CDC14B: variants seen among roughly 807,000 people sequenced by gnomAD.
CDC14B encodes dual specificity protein phosphatase CDC14B.
Under a neutral mutation model 64.2 loss-of-function variants are expected in CDC14B, and 22 were observed. That is an observed-to-expected ratio of 0.34 (90% CI 0.24 to 0.49). The LOEUF (loss-of-function observed/expected upper bound fraction) is 0.49, where lower values mean the gene tolerates loss of function less well. CDC14B is among the 20% of genes least tolerant of loss of function. The pLI is 0.99. For missense variants in CDC14B, 498 were observed against 629.9 expected (o/e 0.79, Z 2.24); for synonymous variants, 191 against 215.8 (o/e 0.89, Z 1.01).
chr9:96,547,895 A>G (rs141919093), intron 5 of CDC14B, among the ~76,000 whole-genome samples: 7,898 of 151,944 alleles, frequency 0.052, 693 homozygotes, highest in African/African-American at 0.18. Flanking sequence ...GCACCATCTC[A>G]GCTCAATGCA....
At position 96,500,134 on chromosome 9, in the gene CDC14B, CAT is replaced by C. The variant is rs1438557655; in HGVS notation, c.*3617_*3618del. On this transcript the variant is annotated 3_prime_UTR_variant, in exon 14 of 14. Transcript: ENST00000375241. ...GCTGTTGGGTTAATACTTTTAATTA[CAT>C]GATTGTAATTATACAATTTCCACTA... 6.6e-6 allele frequency: 1 copy of C among 152,660 alleles called. No individual in the cohort carries two copies. The highest frequency in any genetic ancestry group is 1.5e-5 in the Non-Finnish European group (1 of 68,038). 9.5% of individuals were successfully genotyped at this position (152,660 alleles called of 1,614,324 possible).
At position 96,534,279 on chromosome 9, in the gene CDC14B, C is replaced by T. The variant is rs1262188840; in HGVS notation, c.716-122G>A. 5 of 789,942 alleles carry T rather than the reference C, an allele frequency of 6.3e-6. No homozygotes were observed. The African/African-American group carries it at 7.0e-5, about 11-fold the overall frequency. The allele number at this position is 789,942 out of a possible 1,614,324, so 48.9% of individuals were successfully genotyped here. A position where few individuals can be genotyped will look rare whatever the true frequency, so the allele number is the denominator to read the frequency against. ...GAATTAAATACCAATTTGATTATAA[C>T]TGTAAAAAACAAAAGAAAAGAAAGT... On this transcript the variant is annotated intron_variant, in intron 8 of 13. Coordinates refer to ENST00000375241, the MANE Select transcript of CDC14B (RefSeq NM_033331.4).
chr9:96,534,268 T>G lies in CDC14B; in HGVS notation c.716-111A>C. On this transcript the variant is annotated intron_variant, in intron 8 of 13. Coordinates refer to ENST00000375241, the MANE Select transcript of CDC14B (RefSeq NM_033331.4). Reference sequence around the variant, plus strand: ...ATCTGGACTGGGAATTAAATACCAATTTGATTATAACTGTAAAAAACAAAA... The same window carrying G: ...ATCTGGACTGGGAATTAAATACCAAGTTGATTATAACTGTAAAAAACAAAA... 3 of 801,124 alleles carry G rather than the reference T, an allele frequency of 3.7e-6. No individual in the cohort carries two copies. The South Asian group carries it at 5.6e-5, about 15-fold the overall frequency. The allele number at this position is 801,124 out of a possible 1,614,324, so 49.6% of individuals were successfully genotyped here.
chr9:96,535,710 G>A (rs1839182029), intron 7 of CDC14B, among the ~76,000 whole-genome samples: 1 of 137,892 alleles, frequency 7.3e-6, no homozygotes, highest in Non-Finnish European at 1.5e-5. Flanking sequence ...GACCAAGCAG[G>A]TAATCCCAAA....
intron 4 of CDC14B, among the ~76,000 whole-genome samples, chr9:96,561,794 C>T (rs1332046055): frequency 6.6e-6 from 1 of 152,094 alleles, no homozygotes; most frequent in Non-Finnish European, 1.5e-5. Flanking sequence ...GCCAAAACAA[C>T]CCTTTTTTTC....
chr9:96,573,798 A>G (rs1305419386), intron 1 of CDC14B, among the ~76,000 whole-genome samples: 1 of 152,238 alleles, frequency 6.6e-6, no homozygotes, highest in Non-Finnish European at 1.5e-5. Context: ...ACATGTTAAT[A>G]CATGTAAATT....
chr9:96,544,855 C>T (rs1840584105), intron 5 of CDC14B, among the ~76,000 whole-genome samples: 1 of 152,178 alleles, frequency 6.6e-6, no homozygotes, highest in Non-Finnish European at 1.5e-5. Flanking sequence ...TGAAAAACTT[C>T]TCTTCCACAT....
intron 1 of CDC14B, among the ~76,000 whole-genome samples, chr9:96,611,236 T>C (rs1190144435): frequency 6.6e-6 from 1 of 152,250 alleles, no homozygotes; most frequent in African/African-American, 2.4e-5. Context: ...AAGTAATCCC[T>C]GCCTAATATG....
intron 1 of CDC14B, 106 bp from the exon 2 acceptor site, chr9:96,565,589 G>A (rs1418791106): frequency 7.5e-6 from 6 of 795,922 alleles, no homozygotes; most frequent in Non-Finnish European, 1.1e-5. Flanking sequence ...TTTTTTTCAT[G>A]CACGTTTCAG....
At chr9:96,524,414 C>A (rs1422011335) in intron 9 of CDC14B, among the ~76,000 whole-genome samples, 1 of 152,226 alleles carries the variant, frequency 6.6e-6, no homozygotes, top group Non-Finnish European at 1.5e-5. Flanking sequence ...GTACCACCAT[C>A]TTTGCAAAAC....
chr9:96,614,969 T>G (rs187500437), intron 1 of CDC14B, among the ~76,000 whole-genome samples: 12 of 152,218 alleles, frequency 7.9e-5, no homozygotes, highest in Admixed American at 7.2e-4. Context: ...GCCTCCCAAG[T>G]AGCTGGGACT....
chr9:96,602,533 C>G (rs1846561999), intron 1 of CDC14B, among the ~76,000 whole-genome samples: 1 of 151,968 alleles, frequency 6.6e-6, no homozygotes, highest in African/African-American at 2.4e-5. Flanking sequence ...ACATCTCACA[C>G]AGCAGCAGAC....
In CDC14B at chr9:96,541,815, A is replaced by C. The variant is rs1294358923; in HGVS notation, c.564+11T>G. The C allele has an allele frequency of 6.3e-7, 1 of 1,589,078 alleles. No homozygotes were observed. Among genetic ancestry groups the C allele is most frequent in the South Asian group, 1.1e-5 (1 of 88,038 alleles). ...CAACACAACACTGGGTGCATCCTAC[A>C]TGTCACTCACCTTCTTTACTGCATG... is the stretch of plus-strand genomic sequence containing the variant. On this transcript the variant is annotated intron_variant, in intron 6 of 13. Transcript: ENST00000375241.
chr9:96,587,100 G>GA (rs539402608), intron 1 of CDC14B, among the ~76,000 whole-genome samples: 119 of 152,250 alleles, frequency 7.8e-4, no homozygotes, highest in African/African-American at 2.9e-3. Flanking sequence ...TTGAACCCAG[G>GA]AAGCGGTGGC....
Position 96,619,528 on chromosome 9 carries a change from G to C in CDC14B, c.-150C>G, listed in dbSNP as rs1472152133. 9.4e-6 allele frequency: 2 copies of C among 212,072 alleles called. No individual in the cohort carries two copies. The highest frequency in any genetic ancestry group is 3.8e-4 in the East Asian group (2 of 5,298). The allele number at this position is 212,072 out of a possible 1,614,324, so 13.1% of individuals were successfully genotyped here. On this transcript the variant is annotated 5_prime_UTR_variant, in exon 1 of 14. Transcript: ENST00000375241. ...GGCGGGCGCCGGCAGAGCCCGGCGG[G>C]AGGCGGTCGCGCAGGAGCCGGAGGA...
At chr9:96,603,732 T>C (rs1037656610) in intron 1 of CDC14B, among the ~76,000 whole-genome samples, 2 of 152,166 alleles carry the variant, frequency 1.3e-5, no homozygotes, top group African/African-American at 4.8e-5. Context: ...TCCCCTCCAG[T>C]AAGAACAGAC....
At chr9:96,495,883 C>A (rs1281165686), downstream of CDC14B, among the ~76,000 whole-genome samples, 1 of 152,186 alleles carries the variant, frequency 6.6e-6, no homozygotes, top group African/African-American at 2.4e-5. Flanking sequence ...GCCTTCCACA[C>A]GGCATCTGTA....
At chr9:96,565,372 C>T (rs200503328) in intron 2 of CDC14B, 21 bp downstream of exon 2, 1 of 1,446,702 alleles carries the variant, frequency 6.9e-7, no homozygotes, top group East Asian at 2.3e-5. Flanking sequence ...AAGTTAAAAT[C>T]TTTTAAAGAG....
intron 1 of CDC14B, among the ~76,000 whole-genome samples, chr9:96,579,455 G>C (rs1414342901): frequency 6.6e-6 from 1 of 151,920 alleles, no homozygotes; most frequent in Non-Finnish European, 1.5e-5. Flanking sequence ...GCATGATGGC[G>C]AGTGCCTGTA....
Sources: gnomAD v4.1 joint callset for allele counts (sites outside exome capture counted in the v4.1 genomes callset) on GRCh38, gnomAD v4.1.1 for gene constraint, MANE v1.5 for transcripts, NCBI Gene and HGNC (gene_info 2026-07-23, HGNC 2026-07-21) for gene names.